Variants in DNAJC17 observed in about 807,000 individuals in gnomAD.
DNAJC17 encodes dnaJ homolog subfamily C member 17.
DNAJC17 carries 35 observed loss-of-function variants against 48.1 expected under a neutral mutation model. That is an observed-to-expected ratio of 0.73 (90% CI 0.56 to 0.96). The LOEUF is 0.96. Among genes scored for constraint, DNAJC17 ranks in the 50% least tolerant of loss-of-function variants. The probability of loss-of-function intolerance (pLI) is 0.00; values close to 1 mark genes in which losing one functional copy is unlikely to be tolerated. For missense variants in DNAJC17, 355 were observed against 377.1 expected, an observed-to-expected ratio of 0.94 and a Z score of 0.48; for synonymous variants, 117 against 142.7, an observed-to-expected ratio of 0.82 and a Z score of 1.28.
chr15:40,767,161 A>G lies in DNAJC17; in HGVS notation c.*779T>C. 3 of 1,425,852 alleles carry G rather than the reference A, an allele frequency of 2.1e-6. No homozygotes were observed. The highest frequency in any genetic ancestry group is 2.8e-6 in the Non-Finnish European group (3 of 1,084,200). The allele number at this position is 1,425,852 out of a possible 1,614,324, so 88.3% of individuals were successfully genotyped here. On this transcript the variant is annotated 3_prime_UTR_variant, in exon 11 of 11. Transcript: ENST00000220496. ...AGTGGCCAGGCTGCCTGCTGCAGACACTAGCTTTGTACCAGGAGCTTGCTG... is the reference window on the plus strand; with the variant it reads ...AGTGGCCAGGCTGCCTGCTGCAGACGCTAGCTTTGTACCAGGAGCTTGCTG...
At chr15:40,775,383 G>A in intron 7 of DNAJC17, 170 bp downstream of exon 7, 1 of 827,332 alleles carries the variant, frequency 1.2e-6, no homozygotes. Context: ...GCCTTTCGTG[G>A]CAAGCTCTGA....
In DNAJC17 at chr15:40,767,229, T is replaced by C. The variant is rs1236181113; in HGVS notation, c.*711A>G. On this transcript the variant is annotated 3_prime_UTR_variant, in exon 11 of 11. Coordinates refer to ENST00000220496, the MANE Select transcript of DNAJC17 (RefSeq NM_018163.3). ...CCCCCATCCTGTCTCTTTGCAGTTA[T>C]GAATACTACGTCGATGACCCTCCCC... 5 of 1,542,688 alleles carry C rather than the reference T, an allele frequency of 3.2e-6. No homozygotes were observed. The African/African-American group carries it at 5.6e-5, about 17-fold the overall frequency.
chr15:40,800,640 T>TC (rs1890053506), intron 1 of DNAJC17, among the ~76,000 whole-genome samples: 1 of 151,496 alleles, frequency 6.6e-6, no homozygotes. Context: ...TGTTTTTTTT[T>TC]CTACAATCAT....
Position 40,774,336 on chromosome 15 carries a change from A to C in DNAJC17, c.681+20T>G, listed in dbSNP as rs1889254442. ...AATGACAGGGCCACGAGGGGCCCCC[A>C]AGCCTCATGCAGCACTCACCGCTGC... On this transcript the variant is annotated intron_variant, in intron 9 of 10. Transcript: ENST00000220496. 2 of 1,613,614 alleles carry C rather than the reference A, an allele frequency of 1.2e-6. No individual in the cohort carries two copies. Among genetic ancestry groups the C allele is most frequent in the Middle Eastern group, 1.7e-4 (1 of 6,058 alleles).
rs1596080939 is a variant in DNAJC17 at position 40,779,222 on chromosome 15, C to T, written c.295+1G>A. Reference sequence around the variant, plus strand: ...CCACCGAGCACTATGATGGCACCTACCAAGCTTCACTTTCTTCCTTTTCTC... The same window carrying T: ...CCACCGAGCACTATGATGGCACCTATCAAGCTTCACTTTCTTCCTTTTCTC... On this transcript the variant is annotated splice_donor_variant, in intron 4 of 10. Transcript: ENST00000220496. LOFTEE classifies it high-confidence loss of function. The T allele has an allele frequency of 4.3e-6, 7 of 1,614,112 alleles. No homozygotes were observed. The highest frequency in any genetic ancestry group is 5.9e-6 in the Non-Finnish European group (7 of 1,180,010).
intron 7 of DNAJC17, 25 bp from the exon 8 acceptor site, chr15:40,775,133 C>T (rs757178106): frequency 6.8e-6 from 11 of 1,612,174 alleles, no homozygotes; most frequent in East Asian, 2.2e-5. Context: ...TCATGAAACA[C>T]TGATTCTTGG....
chr15:40,796,905 G>A (rs953751883), intron 1 of DNAJC17, among the ~76,000 whole-genome samples: 24 of 152,076 alleles, frequency 1.6e-4, no homozygotes, highest in South Asian at 4.1e-4. Context: ...GACTACGGGC[G>A]TGCGCCACCA....
chr15:40,768,568 C>T (rs1013233449), intron 10 of DNAJC17, among the ~76,000 whole-genome samples: 3 of 152,182 alleles, frequency 2.0e-5, no homozygotes, highest in East Asian at 1.9e-4. Context: ...GAGCCCTACC[C>T]GAGGCAGCCC....
intron 1 of DNAJC17, among the ~76,000 whole-genome samples, chr15:40,799,224 CAA>C (rs34609538): frequency 5.9e-4 from 26 of 44,346 alleles, no homozygotes; most frequent in Admixed American, 1.0e-3. Flanking sequence ...GACTCCATCT[CAA>C]AAAAAAAAAA....
intron 10 of DNAJC17, chr15:40,771,116 G>A (rs762927380): frequency 1.6e-5 from 19 of 1,196,952 alleles, no homozygotes; most frequent in Non-Finnish European, 2.2e-5. Flanking sequence ...GCCCATCGCT[G>A]GAGGGTTCAG....
intron 1 of DNAJC17, among the ~76,000 whole-genome samples, chr15:40,793,988 T>C (rs1346328630): frequency 1.3e-5 from 2 of 152,184 alleles, no homozygotes; most frequent in African/African-American, 4.8e-5. Flanking sequence ...CATTTACAAT[T>C]CTAACATCTG....
In DNAJC17 at chr15:40,767,256, C is replaced by T. The variant is rs1394554297; in HGVS notation, c.*684G>A. On this transcript the variant is annotated 3_prime_UTR_variant, in exon 11 of 11. Coordinates refer to ENST00000220496, the MANE Select transcript of DNAJC17 (RefSeq NM_018163.3). ...AATACTACGTCGATGACCCTCCCCG[C>T]ATAGTCCTGGACAAGCTGGAACGCA... The T allele has an allele frequency of 1.9e-6, 3 of 1,596,092 alleles. No homozygotes were observed. In the South Asian group the frequency reaches 3.4e-5, roughly 18 times the overall value.
chr15:40,782,676 G>A (rs1418638159), intron 1 of DNAJC17, among the ~76,000 whole-genome samples: 1 of 152,028 alleles, frequency 6.6e-6, no homozygotes, highest in Non-Finnish European at 1.5e-5. Flanking sequence ...CGCAAGAAAC[G>A]CTTCTACACC....
At chr15:40,781,650 G>A (rs1291217644) in intron 1 of DNAJC17, among the ~76,000 whole-genome samples, 2 of 151,886 alleles carry the variant, frequency 1.3e-5, no homozygotes, top group East Asian at 1.9e-4. Context: ...GTCCAGGTGC[G>A]GTGGCTCAAG....
intron 1 of DNAJC17, chr15:40,806,996 CT>C (rs1890250425): frequency 2.0e-6 from 1 of 493,894 alleles, no homozygotes; most frequent in Admixed American, 3.7e-5. Flanking sequence ...TTAAATCAGC[CT>C]GCAGAAGAGA....
chr15:40,796,383 A>G (rs12903072), intron 1 of DNAJC17, among the ~76,000 whole-genome samples: 78,012 of 151,950 alleles, frequency 0.51, 20,531 homozygotes, highest in African/African-American at 0.62. Flanking sequence ...TTAAATAGGT[A>G]GTCAGGAAAA....
rs1447267180 is a variant in DNAJC17 at position 40,774,131 on chromosome 15, C to G, written c.681+225G>C. ...TGAAGGCACCAGCAGGGAGCAGAGT[C>G]AAGTCTGTGCTCTCCTTTCTCCCCA... On this transcript the variant is annotated intron_variant, in intron 9 of 10. Coordinates refer to ENST00000220496, the MANE Select transcript of DNAJC17 (RefSeq NM_018163.3). The G allele has an allele frequency of 7.5e-5, 46 of 609,282 alleles. 1 individual carries two copies. In the East Asian group the frequency reaches 1.3e-3, roughly 17 times the overall value. The allele number at this position is 609,282 out of a possible 1,614,324, so 37.7% of individuals were successfully genotyped here.
intron 10 of DNAJC17, among the ~76,000 whole-genome samples, chr15:40,772,955 CCTT>C (rs1271212871): frequency 1.1e-4 from 16 of 148,724 alleles, no homozygotes; most frequent in African/African-American, 3.8e-4. Flanking sequence ...AGCCAGAGTT[CCTT>C]CTTTTTTTTT....
rs779444097 is a variant in DNAJC17, at chr15:40,807,425, A to G, written c.22T>C (p.Leu8=). Residue 8 remains leucine (L), a synonymous_variant, in exon 1 of 11, where the codon TTA becomes CTA. Transcript: ENST00000220496. ...AGCAGCGCGTACAGGTCCATCTGTA[A>G]GAGCTCCTTGGTCACTGCCATGGTT... MAVTKEL[L]QMDLYALLGI... The G allele has an allele frequency of 6.2e-7, 1 of 1,614,232 alleles. No individual in the cohort carries two copies. Among genetic ancestry groups the G allele is most frequent in the East Asian group, 2.2e-5 (1 of 44,888 alleles).
Sources: gnomAD v4.1 joint callset for allele counts (sites outside exome capture counted in the v4.1 genomes callset) on GRCh38, gnomAD v4.1.1 for gene constraint, MANE v1.5 for transcripts, NCBI Gene and HGNC (gene_info 2026-07-23, HGNC 2026-07-21) for gene names.